ASIC2: variants seen among roughly 807,000 people sequenced by gnomAD.
ASIC2 encodes the protein acid sensing ion channel subunit 2, also known as acid-sensing ion channel 2.
Under a neutral mutation model 57.3 loss-of-function variants are expected in ASIC2, and 25 were observed. The observed-to-expected ratio is 0.44, with a 90% CI of 0.32 to 0.61. The LOEUF is 0.61. ASIC2 is among the 20% of genes least tolerant of loss of function. The probability of loss-of-function intolerance (pLI) is 0.06; values close to 1 mark genes in which losing one functional copy is unlikely to be tolerated. For synonymous variants in ASIC2, 319 were observed against 307.5 expected, an observed-to-expected ratio of 1.04 and a Z score of -0.39; for missense variants, 641 against 738.1, an observed-to-expected ratio of 0.87 and a Z score of 1.52.
rs71144877 is a variant in ASIC2, at chr17:33,436,853, CTTTTTTTTTTTTTTTT to C, written c.556-324802_556-324787del. 1.9e-3 allele frequency among the ~76,000 whole-genome samples: 127 copies of C among 66,618 alleles called. 1 individual carries two copies. Among genetic ancestry groups the C allele is most frequent in the Admixed American group, 3.6e-3 (17 of 4,674 alleles). The allele number at this position is 66,618 out of a possible 152,430, so 43.7% of individuals were successfully genotyped here. A position where few individuals can be genotyped will look rare whatever the true frequency, so the allele number is the denominator to read the frequency against. ...AATGCCTTAAAACACATTCCAACTT[CTTTTTTTTTTTTTTTT>C]TTTTTTTTTTTTTTGAGACGGAGTC... On this transcript the variant is annotated intron_variant, in intron 1 of 9. Coordinates refer to the ASIC2 transcript ENST00000359872.
intron 1 of ASIC2, among the ~76,000 whole-genome samples, chr17:33,128,196 G>A (rs1026586317): frequency 6.6e-6 from 1 of 152,194 alleles, no homozygotes; most frequent in East Asian, 1.9e-4. Context: ...CCAGCACCCT[G>A]TGCTCCCCTC....
intron 1 of ASIC2, among the ~76,000 whole-genome samples, chr17:34,152,932 A>T (rs961281982): frequency 6.6e-6 from 1 of 151,972 alleles, no homozygotes; most frequent in Non-Finnish European, 1.5e-5. Context: ...GGAGGGAAAA[A>T]ACGTGTGCTT....
intron 1 of ASIC2, among the ~76,000 whole-genome samples, chr17:33,824,298 T>A (rs895715884): frequency 6.6e-6 from 1 of 152,150 alleles, no homozygotes; most frequent in African/African-American, 2.4e-5. Context: ...ATGAAGGACA[T>A]CTGAAAGATA....
Position 33,053,595 on chromosome 17 carries a change from C to T in ASIC2, c.988-25203G>A, listed in dbSNP as rs964363259. ...AGAGCTTCTTAACTGGCCTTTGTCT[C>T]GTGTATACCCTCCTCCAATCTGACC... On this transcript the variant is annotated intron_variant, in intron 3 of 9. Coordinates refer to ENST00000225823, the MANE Select transcript of ASIC2 (RefSeq NM_183377.2). 2.6e-5 allele frequency among the ~76,000 whole-genome samples: 4 copies of T among 152,134 alleles called. No individual in the cohort carries two copies. The South Asian group carries it at 6.2e-4, about 24-fold the overall frequency.
intron 3 of ASIC2, among the ~76,000 whole-genome samples, chr17:33,039,207 C>T (rs1350200113): frequency 1.3e-5 from 2 of 150,592 alleles, no homozygotes; most frequent in African/African-American, 2.5e-5. Context: ...GGATAGGACA[C>T]GGTGCTCACA....
intron 1 of ASIC2, among the ~76,000 whole-genome samples, chr17:33,253,946 G>T (rs1294600422): frequency 6.6e-6 from 1 of 152,168 alleles, no homozygotes; most frequent in African/African-American, 2.4e-5. Flanking sequence ...CTATAATTTT[G>T]TGGGTTCCCA....
Position 33,452,738 on chromosome 17 carries a change from GGTGT to G in ASIC2, c.556-340675_556-340672del, listed in dbSNP as rs35126239. Among the ~76,000 whole-genome samples the G allele has an allele frequency of 3.7e-3, 521 of 140,502 alleles. 2 individuals carry two copies. The highest frequency in any genetic ancestry group is 5.4e-3 in the Non-Finnish European group (355 of 65,564). The allele number at this position is 140,502 out of a possible 152,430, so 92.2% of individuals were successfully genotyped here. A position where few individuals can be genotyped will look rare whatever the true frequency, so the allele number is the denominator to read the frequency against. ...GTTTTCTTTGTTTGGAACAGAGTGG[GGTGT>G]GTGTGTGTGTGTGTGTGTGTGTGTG... On this transcript the variant is annotated intron_variant, in intron 1 of 9. Coordinates refer to the ASIC2 transcript ENST00000359872.
Position 33,029,011 on chromosome 17 carries a change from G to A in ASIC2, c.988-619C>T, listed in dbSNP as rs1344318588. ...ACATTCCTATTTTCAGAGGTCCAGTGATCATAAATGCTCTCATAGCATCTA... is the reference window on the plus strand; with the variant it reads ...ACATTCCTATTTTCAGAGGTCCAGTAATCATAAATGCTCTCATAGCATCTA... On this transcript the variant is annotated intron_variant, in intron 3 of 9. Transcript: ENST00000225823. Among the ~76,000 whole-genome samples, 7 of 152,290 alleles carry A rather than the reference G, an allele frequency of 4.6e-5. No individual in the cohort carries two copies. The East Asian group carries it at 9.6e-4, about 21-fold the overall frequency.
chr17:33,925,242 T>G (rs1339445836), intron 1 of ASIC2, among the ~76,000 whole-genome samples: 2 of 152,216 alleles, frequency 1.3e-5, no homozygotes, highest in Non-Finnish European at 2.9e-5. Flanking sequence ...TGGTCATATC[T>G]CCATACCAAC....
chr17:33,447,958 A>G lies in ASIC2; in HGVS notation c.556-335891T>C, dbSNP rs1288590447. 4.0e-5 allele frequency among the ~76,000 whole-genome samples: 6 copies of G among 150,934 alleles called. No individual in the cohort carries two copies. The South Asian group carries it at 1.3e-3, about 31-fold the overall frequency. ...GAAAAGACAAATATTTAAGGCAATG[A>G]ATATCCCAAGTATACTGATTTGATC... On this transcript the variant is annotated intron_variant, in intron 1 of 9. Transcript: ENST00000359872.
chr17:33,102,940 C>A (rs753386513), intron 2 of ASIC2, among the ~76,000 whole-genome samples: 1 of 152,106 alleles, frequency 6.6e-6, no homozygotes, highest in Non-Finnish European at 1.5e-5. Context: ...CCCACCACCA[C>A]GCCCGGCTAA....
intron 1 of ASIC2, among the ~76,000 whole-genome samples, chr17:33,768,147 T>C (rs181122220): frequency 2.0e-4 from 30 of 152,170 alleles, no homozygotes; most frequent in African/African-American, 6.5e-4. Flanking sequence ...CAGCTGGGAC[T>C]ACGGGCGCCT....
chr17:34,121,033 C>T (rs1335540253), intron 1 of ASIC2, among the ~76,000 whole-genome samples: 1 of 152,086 alleles, frequency 6.6e-6, no homozygotes, highest in Non-Finnish European at 1.5e-5. Flanking sequence ...AACCACCGTG[C>T]CTGGCCAGTA....
In ASIC2 at chr17:33,293,151, G is replaced by A. The variant is rs943962454; in HGVS notation, c.-1036C>T. Among the ~76,000 whole-genome samples, 6 of 152,232 alleles carry A rather than the reference G, an allele frequency of 3.9e-5. No homozygotes were observed. Among genetic ancestry groups the A allele is most frequent in the African/African-American group, 1.4e-4 (6 of 41,460 alleles). On this transcript the variant is annotated 5_prime_UTR_variant, in exon 1 of 10. Transcript: ENST00000225823. Reference sequence around the variant, plus strand: ...CTCCTCTCGAGACTCCGAGCTCGCGGTGGCCGTGACGCCGGCTAAGCTCCT... The same window carrying A: ...CTCCTCTCGAGACTCCGAGCTCGCGATGGCCGTGACGCCGGCTAAGCTCCT...
At chr17:33,349,509 G>A (rs1390433772) in intron 1 of ASIC2, among the ~76,000 whole-genome samples, 2 of 152,110 alleles carry the variant, frequency 1.3e-5, no homozygotes, top group Non-Finnish European at 2.9e-5. Context: ...GCCCTACCAG[G>A]CCACCTTCAT....
At chr17:34,119,828 G>T (rs1197707005) in intron 1 of ASIC2, among the ~76,000 whole-genome samples, 1 of 152,184 alleles carries the variant, frequency 6.6e-6, no homozygotes, top group Non-Finnish European at 1.5e-5. Flanking sequence ...GGGATTTGTG[G>T]ACAGTTTGTT....
intron 1 of ASIC2, among the ~76,000 whole-genome samples, chr17:33,811,044 G>C (rs1339353447): frequency 1.3e-5 from 2 of 152,164 alleles, no homozygotes; most frequent in East Asian, 3.9e-4. Context: ...GTATGTAAAC[G>C]GCATGGGCCT....
intron 1 of ASIC2, among the ~76,000 whole-genome samples, chr17:33,164,567 C>A (rs540098690): frequency 1.9e-5 from 2 of 103,474 alleles, no homozygotes; most frequent in East Asian, 4.9e-4. Context: ...GTCCCAAAAG[C>A]ACATGCACGC....
chr17:33,362,418 C>A (rs1405891503), intron 1 of ASIC2, among the ~76,000 whole-genome samples: 1 of 152,140 alleles, frequency 6.6e-6, no homozygotes, highest in Non-Finnish European at 1.5e-5. Context: ...AAGTAAAGAG[C>A]TAGAGGAGTG....
Sources: gnomAD v4.1 joint callset for allele counts (sites outside exome capture counted in the v4.1 genomes callset) on GRCh38, gnomAD v4.1.1 for gene constraint, MANE v1.5 for transcripts, NCBI Gene and HGNC (gene_info 2026-07-23, HGNC 2026-07-21) for gene names.